Variants in CCDC157 observed in about 807,000 individuals in gnomAD.
The protein encoded by CCDC157 is coiled-coil domain-containing protein 157.
CCDC157 carries 60 observed loss-of-function variants against 70.9 expected under a neutral mutation model. The observed-to-expected ratio is 0.85, with a 90% confidence interval of 0.69 to 1.05. The LOEUF (loss-of-function observed/expected upper bound fraction) is 1.05, where lower values mean the gene tolerates loss of function less well. CCDC157 is among the 50% of genes least tolerant of loss of function. The probability of loss-of-function intolerance (pLI) is 0.00; values close to 1 mark genes in which losing one functional copy is unlikely to be tolerated. For synonymous variants in CCDC157, 373 were observed against 422.4 expected, an observed-to-expected ratio of 0.88 and a Z score of 1.43; for missense variants, 943 against 984.2, an observed-to-expected ratio of 0.96 and a Z score of 0.56.
Position 30,372,112 on chromosome 22 carries a change from C to A in CCDC157, c.1161C>A (p.Arg387=). The A allele has an allele frequency of 6.4e-7, 1 of 1,556,112 alleles. No homozygotes were observed. Among genetic ancestry groups the A allele is most frequent in the East Asian group, 2.4e-5 (1 of 41,950 alleles). The change falls in exon 7 of 12, where the codon CGC becomes CGA. Residue 387 remains arginine, a synonymous_variant. Transcript: ENST00000338306. ...AGCAGCTGCAGGAGGAAGGTGAGCG[C>A]AGGGCGGCAGCGGAGAGGCAGGTGC... ...KAQQLQEEGE[R]RAAAERQVQQ...
At chr22:30,374,147 G>A in intron 9 of CCDC157, 56 bp downstream of exon 9, 1 of 1,534,672 alleles carries the variant, frequency 6.5e-7, no homozygotes, top group South Asian at 1.2e-5. Context: ...CAGCAGCTGA[G>A]GGCTCGTGTG....
At position 30,373,925 on chromosome 22, in the gene CCDC157, G is replaced by A. The variant is rs1200700083; in HGVS notation, c.1506G>A (p.Glu502=). The change falls in exon 9 of 12, where the codon GAG becomes GAA. Residue 502 remains glutamate (E), a splice_region_variant and synonymous_variant. Transcript: ENST00000338306. ...QGQCQLRAQQ[E]LLQSLQREKQ... ...GCCTGAGCCTCCGTCTGTCCCAGGAGCTGCTGCAGAGCCTGCAGAGGGAGA... is the reference window on the plus strand; with the variant it reads ...GCCTGAGCCTCCGTCTGTCCCAGGAACTGCTGCAGAGCCTGCAGAGGGAGA... 5.6e-6 allele frequency: 9 copies of A among 1,608,562 alleles called. No individual in the cohort carries two copies. In the Admixed American group the frequency reaches 1.4e-4, roughly 24 times the overall value.
At chr22:30,374,287 A>G (rs1432398880) in intron 9 of CCDC157, 196 bp downstream of exon 9, 3 of 675,888 alleles carry the variant, frequency 4.4e-6, no homozygotes, top group African/African-American at 3.5e-5. Context: ...CTGCATAGAC[A>G]GGGACGTGAA....
chr22:30,377,787 GCC>G lies in CCDC157; in HGVS notation c.*1043_*1044del. ...ATCCCTCAGCACCCTGAGCCAGAAGGCCTGTGCTCAAGTCCAGGGGAAGGACC... is the reference window on the plus strand; with the variant it reads ...ATCCCTCAGCACCCTGAGCCAGAAGGTGTGCTCAAGTCCAGGGGAAGGACC... On this transcript the variant is annotated 3_prime_UTR_variant, in exon 12 of 12. Transcript: ENST00000338306. 1.2e-5 allele frequency: 3 copies of G among 256,768 alleles called. No homozygotes were observed. The highest frequency in any genetic ancestry group is 4.1e-5 in the South Asian group (1 of 24,578). The allele number at this position is 256,768 out of a possible 1,614,324, so 15.9% of individuals were successfully genotyped here. A position where few individuals can be genotyped will look rare whatever the true frequency, so the allele number is the denominator to read the frequency against.
chr22:30,366,057 C>G lies in CCDC157; in HGVS notation c.57C>G (p.Thr19=). The part of the protein sequence containing the change: ...ACMESLRTDL[T]DLQGAIVDVF... ...TGGAGAGCCTGCGCACAGACCTCACCGACCTGCAGGGTGCCATCGTAGACG... is the reference window on the plus strand; with the variant it reads ...TGGAGAGCCTGCGCACAGACCTCACGGACCTGCAGGGTGCCATCGTAGACG... The change falls in exon 3 of 12, where the codon ACC becomes ACG. Residue 19 remains threonine, a synonymous_variant. Coordinates refer to ENST00000338306, the MANE Select transcript of CCDC157 (RefSeq NM_001017437.5). The G allele has an allele frequency of 6.2e-7, 1 of 1,607,234 alleles. No homozygotes were observed. The highest frequency in any genetic ancestry group is 8.5e-7 in the Non-Finnish European group (1 of 1,179,824).
intron 2 of CCDC157, among the ~76,000 whole-genome samples, chr22:30,362,901 G>A (rs1196156171): frequency 6.6e-6 from 1 of 152,150 alleles, no homozygotes; most frequent in African/African-American, 2.4e-5. Flanking sequence ...ATAGGTTTGG[G>A]AGAACAATTT....
In CCDC157 at chr22:30,369,589, C is replaced by A; in HGVS notation, c.406C>A (p.Gln136Lys). ...SLLRLGTLHQQPLPQKGANQR... is the reference protein window; with the variant it reads ...SLLRLGTLHQKPLPQKGANQR... ...GCTGAGGCTGGGCACGCTCCACCAG[C>A]AGCCACTCCCCCAGGTGGGTCCCAG... The change falls in exon 4 of 12, where the codon CAG (glutamine) becomes AAG (lysine). Residue 136 changes from glutamine (Q) to lysine (K), a missense_variant. Gln to Lys is a moderately conservative substitution (Grantham distance 53, BLOSUM62 1). Coordinates refer to ENST00000338306, the MANE Select transcript of CCDC157 (RefSeq NM_001017437.5). 6.4e-7 allele frequency: 1 copy of A among 1,565,510 alleles called. No individual in the cohort carries two copies. Among genetic ancestry groups the A allele is most frequent in the Non-Finnish European group, 8.6e-7 (1 of 1,158,832 alleles).
intron 2 of CCDC157, among the ~76,000 whole-genome samples, chr22:30,363,711 CAG>C (rs1932515325): frequency 8.8e-6 from 1 of 113,998 alleles, no homozygotes; most frequent in African/African-American, 3.4e-5. Context: ...TTTTTTAAGA[CAG>C]AGTCTCACTC....
intron 2 of CCDC157, among the ~76,000 whole-genome samples, chr22:30,364,367 A>G (rs77605145): frequency 0.027 from 4,171 of 152,276 alleles, 192 homozygotes; most frequent in African/African-American, 0.096. Flanking sequence ...AGTAAAAAAG[A>G]AAAGACAAAT....
chr22:30,369,908 G>A (rs1476659), intron 4 of CCDC157: 106,802 of 462,334 alleles, frequency 0.23, 13,827 homozygotes, highest in South Asian at 0.36. Context: ...TGTTTGTTAT[G>A]GGCTATCCCG....
chr22:30,366,329 C>CAG lies in CCDC157; in HGVS notation c.248+84_248+85dup, dbSNP rs1569185086. On this transcript the variant is annotated intron_variant, in intron 3 of 11. Coordinates refer to ENST00000338306, the MANE Select transcript of CCDC157 (RefSeq NM_001017437.5). ...CCAGTGGCAGCTACGGAAGCCCCTC[C>CAG]AGAGGCAGGGGTGATGTTGGAACAA... The CAG allele has an allele frequency of 1.9e-6, 3 of 1,564,214 alleles. No homozygotes were observed. In the South Asian group the frequency reaches 3.4e-5, roughly 18 times the overall value.
At position 30,375,615 on chromosome 22, in the gene CCDC157, A is replaced by G. The variant is rs368188155; in HGVS notation, c.1809A>G (p.Gln603=). ...TACAGGAGGAGAACGGGCGGCTCCA[A>G]TCAATGCTGTCCAAAATCCGGGAAG... is the stretch of plus-strand genomic sequence containing the variant. ...RVLQEENGRL[Q]SMLSKIREVA... Residue 603 remains glutamine, a synonymous_variant, in exon 10 of 12, where the codon CAA becomes CAG. Coordinates refer to ENST00000338306, the MANE Select transcript of CCDC157 (RefSeq NM_001017437.5). 3 of 1,614,096 alleles carry G rather than the reference A, an allele frequency of 1.9e-6. No homozygotes were observed. Among genetic ancestry groups the G allele is most frequent in the Non-Finnish European group, 2.5e-6 (3 of 1,180,012 alleles).
chr22:30,364,923 G>A (rs1038404431), intron 2 of CCDC157, among the ~76,000 whole-genome samples: 2 of 151,874 alleles, frequency 1.3e-5, no homozygotes, highest in African/African-American at 4.8e-5. Flanking sequence ...CACTTTAGAA[G>A]TCAAGTGCAT....
intron 2 of CCDC157, among the ~76,000 whole-genome samples, chr22:30,363,658 A>G (rs1888790102): frequency 1.3e-5 from 2 of 149,796 alleles, no homozygotes; most frequent in Admixed American, 1.3e-4. Flanking sequence ...CAAAATAGCT[A>G]GAAGAAAATA....
chr22:30,370,837 C>T lies in CCDC157; in HGVS notation c.932C>T (p.Ala311Val), dbSNP rs772145253. The change falls in exon 5 of 12, where the codon GCG becomes GTG. Residue 311 changes from alanine to valine, a missense_variant. Coordinates refer to ENST00000338306, the MANE Select transcript of CCDC157 (RefSeq NM_001017437.5). ...CAGAAGGATGGCCTGAGGAAGCAGG[C>T]GGGCAAGCTGGAGCAGGCGCTGAAA... The part of the protein sequence containing the change: ...EGQKDGLRKQ[A>V]GKLEQALKQE... 3.1e-6 allele frequency: 5 copies of T among 1,612,618 alleles called. No homozygotes were observed. Among genetic ancestry groups the T allele is most frequent in the South Asian group, 2.2e-5 (2 of 91,056 alleles).
In CCDC157 at chr22:30,377,921, TGCTCCGGG is replaced by T; in HGVS notation, c.*1177_*1184del. The T allele has an allele frequency of 2.9e-6, 1 of 348,326 alleles. No individual in the cohort carries two copies. Among genetic ancestry groups the T allele is most frequent in the Non-Finnish European group, 5.7e-6 (1 of 174,670 alleles). 21.6% of individuals were successfully genotyped at this position (348,326 alleles called of 1,614,324 possible). On this transcript the variant is annotated 3_prime_UTR_variant, in exon 12 of 12. Coordinates refer to ENST00000338306, the MANE Select transcript of CCDC157 (RefSeq NM_001017437.5). Reference sequence around the variant, plus strand: ...CAGGTTCTGTGTGGCTGGGTTTTTTTGCTCCGGGTCCCAGAGGGCTGAAATTGAGGCAT... The same window carrying T: ...CAGGTTCTGTGTGGCTGGGTTTTTTTTCCCAGAGGGCTGAAATTGAGGCAT...
chr22:30,369,418 A>G lies in CCDC157; in HGVS notation c.249-14A>G, dbSNP rs958130871. 6 of 1,492,728 alleles carry G rather than the reference A, an allele frequency of 4.0e-6. No homozygotes were observed. Among genetic ancestry groups the G allele is most frequent in the Non-Finnish European group, 5.4e-6 (6 of 1,114,514 alleles). The allele number at this position is 1,492,728 out of a possible 1,614,324, so 92.5% of individuals were successfully genotyped here. A position where few individuals can be genotyped will look rare whatever the true frequency, so the allele number is the denominator to read the frequency against. On this transcript the variant is annotated splice_polypyrimidine_tract_variant and intron_variant, in intron 3 of 11. Transcript: ENST00000338306. ...CCAGCCTGGGCCCCAGCAACCTAGC[A>G]TCTCTGCCCGCAGGCTCCTGCTGCT... is the stretch of plus-strand genomic sequence containing the variant.
intron 7 of CCDC157, 175 bp downstream of exon 7, chr22:30,372,461 G>A: frequency 1.1e-6 from 1 of 925,550 alleles, no homozygotes; most frequent in Non-Finnish European, 1.6e-6. Flanking sequence ...AGGCACTGGG[G>A]GAACAGTGAC....
chr22:30,376,976 C>T lies in CCDC157; in HGVS notation c.*231C>T. The T allele has an allele frequency of 1.7e-6, 1 of 587,990 alleles. No individual in the cohort carries two copies. Among genetic ancestry groups the T allele is most frequent in the Non-Finnish European group, 3.0e-6 (1 of 330,056 alleles). 36.4% of individuals were successfully genotyped at this position (587,990 alleles called of 1,614,324 possible). ...CTCAGTAAAAGGGGCCTTCCTGCTTCCCTCCCGACAGAGGCTGTGGGATAG... is the reference window on the plus strand; with the variant it reads ...CTCAGTAAAAGGGGCCTTCCTGCTTTCCTCCCGACAGAGGCTGTGGGATAG... On this transcript the variant is annotated 3_prime_UTR_variant, in exon 12 of 12. Coordinates refer to ENST00000338306, the MANE Select transcript of CCDC157 (RefSeq NM_001017437.5).
Sources: gnomAD v4.1 joint callset for allele counts (sites outside exome capture counted in the v4.1 genomes callset) on GRCh38, gnomAD v4.1.1 for gene constraint, MANE v1.5 for transcripts, NCBI Gene and HGNC (gene_info 2026-07-23, HGNC 2026-07-21) for gene names.